Variants in LARP1B observed in about 807,000 individuals in gnomAD.
The protein encoded by LARP1B is La ribonucleoprotein 1B.
Under a neutral mutation model 114.2 loss-of-function variants are expected in LARP1B, and 76 were observed. The ratio of observed to expected loss-of-function variants is 0.67; its 90% CI spans 0.55 to 0.81. The LOEUF (loss-of-function observed/expected upper bound fraction) is 0.81. LARP1B is among the 30% of genes least tolerant of loss of function. The probability of loss-of-function intolerance (pLI) is 0.00; values close to 1 mark genes in which losing one functional copy is unlikely to be tolerated. For missense variants in LARP1B, 1,014 were observed against 1,075.8 expected (o/e 0.94, Z 0.80); for synonymous variants, 345 against 348.0 (o/e 0.99, Z 0.10).
At chr4:128,166,974 A>C (rs201746028) in intron 12 of LARP1B, among the ~76,000 whole-genome samples, 1,425 of 94,440 alleles carry the variant, frequency 0.015, 7 homozygotes, top group African/African-American at 0.025. Context: ...CTCTCTCTAT[A>C]TATATATATA....
At chr4:128,065,410 G>C (rs1004303727) in intron 1 of LARP1B, among the ~76,000 whole-genome samples, 1 of 133,866 alleles carries the variant, frequency 7.5e-6, no homozygotes, top group Non-Finnish European at 1.6e-5. Context: ...GAGTCTCTCT[G>C]TGTTTCCCAG....
At chr4:128,084,785 T>C (rs1772735353) in intron 5 of LARP1B, among the ~76,000 whole-genome samples, 1 of 152,188 alleles carries the variant, frequency 6.6e-6, no homozygotes. Flanking sequence ...GATTACAACA[T>C]TGATTAATAT....
At chr4:128,104,312 T>G (rs1781339747) in intron 8 of LARP1B, among the ~76,000 whole-genome samples, 1 of 152,232 alleles carries the variant, frequency 6.6e-6, no homozygotes, top group Non-Finnish European at 1.5e-5. Flanking sequence ...GTTATGACTT[T>G]TATATCTGAT....
At position 128,091,035 on chromosome 4, in the gene LARP1B, A is replaced by G. The variant is rs376124449; in HGVS notation, c.393A>G (p.Gln131=). The G allele has an allele frequency of 6.2e-7, 1 of 1,613,268 alleles. No homozygotes were observed. The highest frequency in any genetic ancestry group is 8.5e-7 in the Non-Finnish European group (1 of 1,179,460). The change falls in exon 6 of 20, where the codon CAA becomes CAG. Residue 131 remains glutamine, a synonymous_variant. Transcript: ENST00000326639. The stretch of plus-strand genomic sequence containing the variant: ...GAGATAGAGAAAAAAGGGATGATCA[A>G]GATGACGTTTCCAGTGTGAGAAGTG... ...WKRDREKRDD[Q]DDVSSVRSEG... is the part of the protein sequence containing the mutation.
chr4:128,208,812 A>G (rs1419540518), intron 19 of LARP1B, among the ~76,000 whole-genome samples: 1 of 152,212 alleles, frequency 6.6e-6, no homozygotes, highest in Non-Finnish European at 1.5e-5. Flanking sequence ...GGTGCCATCA[A>G]TAATATTCTC....
At chr4:128,206,845 A>T (rs113558519) in intron 18 of LARP1B, 1 of 985,220 alleles carries the variant, frequency 1.0e-6, no homozygotes. Flanking sequence ...TCAGCAGGTA[A>T]GCTTGGAAAG....
At chr4:128,176,680 C>T (rs1267521573) in intron 12 of LARP1B, among the ~76,000 whole-genome samples, 192 bp from the exon 13 acceptor site, 1 of 152,050 alleles carries the variant, frequency 6.6e-6, no homozygotes, top group African/African-American at 2.4e-5. Context: ...TACATTTTTT[C>T]CCAAACATTA....
In LARP1B at chr4:128,091,334, T is replaced by C; in HGVS notation, c.503-13T>C. ...ATATGTGATTACCTTTCTTTTTCTT[T>C]ATTCACATCAAGTGAACTTTGATTA... On this transcript the variant is annotated splice_polypyrimidine_tract_variant and intron_variant, in intron 6 of 19. Coordinates refer to ENST00000326639, the MANE Select transcript of LARP1B (RefSeq NM_018078.4). 2 of 1,598,726 alleles carry C rather than the reference T, an allele frequency of 1.3e-6. No individual in the cohort carries two copies.
chr4:128,065,327 C>CCTTTTCTTTTCTTT (rs1561012881), intron 1 of LARP1B, among the ~76,000 whole-genome samples: 2 of 113,264 alleles, frequency 1.8e-5, no homozygotes, highest in African/African-American at 6.4e-5. Context: ...CTCTCTCTCT[C>CCTTTTCTTTTCTTT]TCTCTTTCCT....
intron 9 of LARP1B, among the ~76,000 whole-genome samples, chr4:128,111,392 C>G (rs977308196): frequency 6.6e-6 from 1 of 151,926 alleles, no homozygotes; most frequent in South Asian, 2.1e-4. Flanking sequence ...ATTGATAATT[C>G]ATAGTATTAG....
At chr4:128,090,099 A>C (rs1303408911) in intron 5 of LARP1B, among the ~76,000 whole-genome samples, 1 of 148,636 alleles carries the variant, frequency 6.7e-6, no homozygotes, top group African/African-American at 2.5e-5. Flanking sequence ...TGGAGAGGGA[A>C]TCTCGCTCTG....
Position 128,199,558 on chromosome 4 carries a change from C to T in LARP1B, c.2123C>T (p.Thr708Ile). The T allele has an allele frequency of 6.3e-7, 1 of 1,594,710 alleles. No homozygotes were observed. Among genetic ancestry groups the T allele is most frequent in the Non-Finnish European group, 8.6e-7 (1 of 1,169,544 alleles). Residue 708 changes from threonine to isoleucine, a missense_variant, in exon 16 of 20, where the codon ACC becomes ATC. Physicochemically the swap from Thr to Ile is moderately conservative, Grantham distance 89 (BLOSUM62 -1). Transcript: ENST00000326639. ...GAACTTTTGAAGGAAAATGGCTTTA[C>T]CCAACAAGTGTACCACAAGTATCGT... ...SHELLKENGF[T>I]QQVYHKYRRR... is the part of the protein sequence containing the mutation.
chr4:128,194,903 C>A (rs1351751109), intron 15 of LARP1B, among the ~76,000 whole-genome samples: 3 of 151,444 alleles, frequency 2.0e-5, no homozygotes, highest in African/African-American at 2.4e-5. Flanking sequence ...TGCTGAAATT[C>A]TCCATCTCTT....
Position 128,065,375 on chromosome 4 carries a change from C to CTTTTCTT in LARP1B, c.-78+3976_-78+3982dup, listed in dbSNP as rs764322213. 1.2e-3 allele frequency among the ~76,000 whole-genome samples: 133 copies of CTTTTCTT among 111,598 alleles called. 1 individual carries two copies. Among genetic ancestry groups the CTTTTCTT allele is most frequent in the Non-Finnish European group, 2.1e-3 (109 of 52,836 alleles). The allele number at this position is 111,598 out of a possible 152,430, so 73.2% of individuals were successfully genotyped here. On this transcript the variant is annotated intron_variant, in intron 1 of 19. Transcript: ENST00000326639. ...CTTTTCTTTTCTTTTCTTTTCTTTT[C>CTTTTCTT]TTTTCTTTCTTTTTTCAAGAGATGG... is the stretch of plus-strand genomic sequence containing the variant.
At chr4:128,081,875 C>T (rs1770614925) in intron 4 of LARP1B, among the ~76,000 whole-genome samples, 3 of 152,222 alleles carry the variant, frequency 2.0e-5, no homozygotes, top group Non-Finnish European at 1.5e-5. Context: ...GCTGGGATTA[C>T]TGGCGTGTGC....
intron 5 of LARP1B, among the ~76,000 whole-genome samples, chr4:128,084,623 G>A (rs1160457492): frequency 6.6e-6 from 1 of 151,964 alleles, no homozygotes; most frequent in African/African-American, 2.4e-5. Context: ...AGAGGGAGAG[G>A]GGAGAGGGGA....
At position 128,098,763 on chromosome 4, in the gene LARP1B, ATATATTTTTTT is replaced by A. The variant is rs1340085589; in HGVS notation, c.813+435_813+445del. ...TATGTATGTGTATATATATATATAT[ATATATTTTTTT>A]TTTTTTTTTTTTTTTTTTTTTAAGA... is the stretch of plus-strand genomic sequence containing the variant. On this transcript the variant is annotated intron_variant, in intron 8 of 19. Coordinates refer to ENST00000326639, the MANE Select transcript of LARP1B (RefSeq NM_018078.4). Among the ~76,000 whole-genome samples the A allele has an allele frequency of 3.7e-3, 132 of 35,506 alleles. 17 individuals carry two copies. Among genetic ancestry groups the A allele is most frequent in the Non-Finnish European group, 6.3e-3 (119 of 18,872 alleles). The allele number at this position is 35,506 out of a possible 152,430, so 23.3% of individuals were successfully genotyped here.
At chr4:128,138,558 T>A (rs1726476700) in intron 11 of LARP1B, among the ~76,000 whole-genome samples, 1 of 152,028 alleles carries the variant, frequency 6.6e-6, no homozygotes, top group Non-Finnish European at 1.5e-5. Flanking sequence ...AGGGTAGTGG[T>A]GGGGGAGAAC....
intron 11 of LARP1B, among the ~76,000 whole-genome samples, chr4:128,136,833 C>T (rs1725527045): frequency 6.6e-6 from 1 of 152,038 alleles, no homozygotes; most frequent in Non-Finnish European, 1.5e-5. Flanking sequence ...AACTCCTGGC[C>T]TCAAGAGATT....
Sources: allele counts gnomAD v4.1 joint callset (sites outside exome capture counted in the v4.1 genomes callset), GRCh38; gene constraint gnomAD v4.1.1; transcripts MANE v1.5; gene names NCBI Gene and HGNC (gene_info 2026-07-23, HGNC 2026-07-21).